CNEP1R1: variants seen among roughly 807,000 people sequenced by gnomAD.
CNEP1R1 encodes nuclear envelope phosphatase-regulatory subunit 1.
Under a neutral mutation model 22.7 loss-of-function variants are expected in CNEP1R1, and 10 were observed. The observed-to-expected ratio is 0.44, with a 90% CI of 0.27 to 0.75. CNEP1R1 has a LOEUF of 0.75. Among genes scored for constraint, CNEP1R1 ranks in the 30% least tolerant of loss-of-function variants. CNEP1R1 has a pLI of 0.17. For missense variants in CNEP1R1, 73 were observed against 151.5 expected (o/e 0.48, Z 2.72); for synonymous variants, 53 against 50.1 (o/e 1.06, Z -0.25).
Position 50,036,158 on chromosome 16 carries a change from T to C in CNEP1R1, c.*700T>C, listed in dbSNP as rs1193112891. On this transcript the variant is annotated 3_prime_UTR_variant, in exon 6 of 6. Coordinates refer to ENST00000427478, the MANE Select transcript of CNEP1R1 (RefSeq NM_001281789.2). ...ATTTTCTTTTTTTTTTTTTTTTTTTTAGACGGAGTCTCGCTCTGTTGCCAG... is the reference window on the plus strand; with the variant it reads ...ATTTTCTTTTTTTTTTTTTTTTTTTCAGACGGAGTCTCGCTCTGTTGCCAG... 6.7e-6 allele frequency: 1 copy of C among 149,466 alleles called. No individual in the cohort carries two copies. The highest frequency in any genetic ancestry group is 6.7e-5 in the Admixed American group (1 of 14,908). The allele number at this position is 149,466 out of a possible 1,614,324, so 9.3% of individuals were successfully genotyped here.
At chr16:50,025,451 G>T in intron 1 of CNEP1R1, 111 bp downstream of exon 1, 2 of 1,252,182 alleles carry the variant, frequency 1.6e-6, no homozygotes, top group Non-Finnish European at 1.1e-6. Flanking sequence ...GCAGAGGATG[G>T]AGCTAGGGGC....
chr16:50,033,397 G>T lies in CNEP1R1; in HGVS notation c.172G>T (p.Val58Leu). ...NWLIDPETQK[V>L]SFFTSLWNHP... Reference sequence around the variant, plus strand: ...TATATTTTCATCTCTTCTTTTACAGGTGTCCTTCTTCACATCATTATGGAA... The same window carrying T: ...TATATTTTCATCTCTTCTTTTACAGTTGTCCTTCTTCACATCATTATGGAA... The change falls in exon 4 of 6, where the codon GTG becomes TTG. Residue 58 changes from valine (V) to leucine (L), a missense_variant and splice_region_variant. By Grantham distance (32) the Val-to-Leu change is conservative. Transcript: ENST00000427478. The T allele has an allele frequency of 1.3e-6, 2 of 1,509,372 alleles. No homozygotes were observed. The highest frequency in any genetic ancestry group is 2.3e-5 in the East Asian group (1 of 43,946). The allele number at this position is 1,509,372 out of a possible 1,614,324, so 93.5% of individuals were successfully genotyped here.
chr16:50,036,601 C>A lies in CNEP1R1; in HGVS notation c.*1143C>A, dbSNP rs150062829. ...GTGTTGCACAGGTGTAATTGGTCAT[C>A]CTATGCCTTCACCAGAATAACTTGG... is the stretch of plus-strand genomic sequence containing the variant. On this transcript the variant is annotated 3_prime_UTR_variant, in exon 6 of 6. Coordinates refer to ENST00000427478, the MANE Select transcript of CNEP1R1 (RefSeq NM_001281789.2). 21 of 152,434 alleles carry A rather than the reference C, an allele frequency of 1.4e-4. No homozygotes were observed. Among genetic ancestry groups the A allele is most frequent in the African/African-American group, 5.1e-4 (21 of 41,538 alleles). The allele number at this position is 152,434 out of a possible 1,614,324, so 9.4% of individuals were successfully genotyped here. A position where few individuals can be genotyped will look rare whatever the true frequency, so the allele number is the denominator to read the frequency against.
intron 2 of CNEP1R1, among the ~76,000 whole-genome samples, chr16:50,028,709 C>T (rs1047386972): frequency 3.3e-5 from 5 of 151,996 alleles, no homozygotes; most frequent in African/African-American, 1.2e-4. Context: ...TGTATGAGGT[C>T]CTTTCTAGTG....
rs775498946 is a variant in CNEP1R1 at position 50,029,793 on chromosome 16, C to G, written c.166C>G (p.Gln56Glu). 1 of 1,590,144 alleles carries G rather than the reference C, an allele frequency of 6.3e-7. No individual in the cohort carries two copies. Among genetic ancestry groups the G allele is most frequent in the South Asian group, 1.1e-5 (1 of 90,336 alleles). Residue 56 changes from glutamine to glutamate, a missense_variant, in exon 3 of 6, where the codon CAA becomes GAA. By Grantham distance (29) the Gln-to-Glu change is conservative. Coordinates refer to ENST00000427478, the MANE Select transcript of CNEP1R1 (RefSeq NM_001281789.2). ...GAACTGGTTAATAGACCCTGAGACA[C>G]AAAAGGTAGAAGTTTTGTTTTAAAA... Reference protein sequence around the residue: ...AWNWLIDPETQKVSFFTSLWN... With the variant: ...AWNWLIDPETEKVSFFTSLWN...
chr16:50,028,011 G>T (rs1429381264), intron 2 of CNEP1R1, among the ~76,000 whole-genome samples: 7 of 152,194 alleles, frequency 4.6e-5, no homozygotes, highest in Non-Finnish European at 1.0e-4. Flanking sequence ...AGGCTGGAGT[G>T]CAGTGGCGCC....
chr16:50,029,628 C>G (rs2036215086), intron 2 of CNEP1R1, 97 bp from the exon 3 acceptor site: 2 of 687,116 alleles, frequency 2.9e-6, no homozygotes, highest in Admixed American at 5.4e-5. Context: ...TAATAAAGTG[C>G]TATATTCTTT....
At position 50,026,457 on chromosome 16, in the gene CNEP1R1, A is replaced by G. The variant is rs201107349; in HGVS notation, c.87A>G (p.Gly29=). 1.2e-6 allele frequency: 2 copies of G among 1,608,676 alleles called. No individual in the cohort carries two copies. Among genetic ancestry groups the G allele is most frequent in the African/African-American group, 1.3e-5 (1 of 75,020 alleles). ...EYIHCLQPAT[G]RWRMLLIVVS... ...TTCATTGTTTGCAACCTGCTACTGG[A>G]CGCTGGAGAAGTAAGTTCCTGAATG... Residue 29 remains glycine (G), a synonymous_variant, in exon 2 of 6, where the codon GGA becomes GGG. Transcript: ENST00000427478.
At chr16:50,025,526 C>T (rs928412884) in intron 1 of CNEP1R1, 186 bp downstream of exon 1, 14 of 1,114,338 alleles carry the variant, frequency 1.3e-5, no homozygotes, top group Non-Finnish European at 1.8e-5. Flanking sequence ...CCTCAGCTCC[C>T]TGAGTCCCCA....
In CNEP1R1 at chr16:50,036,704, C is replaced by T. The variant is rs1468952409; in HGVS notation, c.*1246C>T. The stretch of plus-strand genomic sequence containing the variant: ...TGACATACTGTGTATGCATAATAGC[C>T]GCATGTACTATAATAGCCCTTAAAA... On this transcript the variant is annotated 3_prime_UTR_variant, in exon 6 of 6. Coordinates refer to ENST00000427478, the MANE Select transcript of CNEP1R1 (RefSeq NM_001281789.2). 1.3e-5 allele frequency: 2 copies of T among 152,498 alleles called. No homozygotes were observed. Among genetic ancestry groups the T allele is most frequent in the Admixed American group, 6.6e-5 (1 of 15,266 alleles). 9.4% of individuals were successfully genotyped at this position (152,498 alleles called of 1,614,324 possible). A position where few individuals can be genotyped will look rare whatever the true frequency, so the allele number is the denominator to read the frequency against.
chr16:50,034,043 AC>A, intron 4 of CNEP1R1, 58 bp from the exon 5 acceptor site: 1 of 1,334,750 alleles, frequency 7.5e-7, no homozygotes, highest in Non-Finnish European at 1.1e-6. Flanking sequence ...GAGCCACCGC[AC>A]CCGGCCTAAA....
At chr16:50,026,551 A>G (rs2036185338) in intron 2 of CNEP1R1, 84 bp downstream of exon 2, 2 of 1,090,240 alleles carry the variant, frequency 1.8e-6, no homozygotes, top group Non-Finnish European at 1.4e-6. Flanking sequence ...TTTATGTAAA[A>G]TGTTTGTTTA....
At position 50,034,139 on chromosome 16, in the gene CNEP1R1, A is replaced by G; in HGVS notation, c.319A>G (p.Asn107Asp). 6.3e-7 allele frequency: 1 copy of G among 1,587,928 alleles called. No individual in the cohort carries two copies. The highest frequency in any genetic ancestry group is 8.6e-7 in the Non-Finnish European group (1 of 1,165,390). ...ARCRTVLAEY[N>D]MSCDDTGKLI... ...ATGTCGAACGGTATTAGCAGAATAC[A>G]ATATGTCTTGTGATGATGTAAGTAT... is the stretch of plus-strand genomic sequence containing the variant. Residue 107 changes from asparagine to aspartate, a missense_variant, in exon 5 of 6, where the codon AAT becomes GAT. Coordinates refer to ENST00000427478, the MANE Select transcript of CNEP1R1 (RefSeq NM_001281789.2).
At chr16:50,030,199 GAAT>G (rs2036219615) in intron 3 of CNEP1R1, among the ~76,000 whole-genome samples, 1 of 152,042 alleles carries the variant, frequency 6.6e-6, no homozygotes, top group African/African-American at 2.4e-5. Context: ...CTCATACCTG[GAAT>G]CCCAACACTT....
At chr16:50,031,530 G>GA (rs2036231099) in intron 3 of CNEP1R1, among the ~76,000 whole-genome samples, 1 of 152,130 alleles carries the variant, frequency 6.6e-6, no homozygotes, top group African/African-American at 2.4e-5. Context: ...TTCTAATTGG[G>GA]AAAAATATAA....
chr16:50,027,871 A>G (rs565412277), intron 2 of CNEP1R1, among the ~76,000 whole-genome samples: 1 of 152,196 alleles, frequency 6.6e-6, no homozygotes, highest in Non-Finnish European at 1.5e-5. Flanking sequence ...TTACTTGCCC[A>G]TGGAAATACA....
intron 4 of CNEP1R1, among the ~76,000 whole-genome samples, 190 bp downstream of exon 4, chr16:50,033,696 T>A (rs546782884): frequency 3.4e-4 from 51 of 151,620 alleles, no homozygotes; most frequent in African/African-American, 1.2e-3. Context: ...AAACCCCATC[T>A]CTACTAAAAT....
chr16:50,025,548 G>A (rs1454702371), intron 1 of CNEP1R1: 12 of 1,228,356 alleles, frequency 9.8e-6, no homozygotes, highest in Non-Finnish European at 1.4e-5. Flanking sequence ...AAACCTAGAG[G>A]GTCGACCTCC....
chr16:50,025,534 C>T (rs1453315931), intron 1 of CNEP1R1, 194 bp downstream of exon 1: 2 of 1,151,008 alleles, frequency 1.7e-6, no homozygotes, highest in African/African-American at 3.1e-5. Flanking sequence ...CCCTGAGTCC[C>T]CACAAACCTA....
Sources: gnomAD v4.1 joint callset for allele counts (sites outside exome capture counted in the v4.1 genomes callset) on GRCh38, gnomAD v4.1.1 for gene constraint, MANE v1.5 for transcripts, NCBI Gene and HGNC (gene_info 2026-07-23, HGNC 2026-07-21) for gene names.